Variants in GPC5 observed in about 807,000 individuals in gnomAD.
The protein encoded by GPC5 is glypican-5.
In GPC5, 47 loss-of-function variants were observed where a neutral mutation model predicts 53.9. The ratio of observed to expected loss-of-function variants is 0.87; its 90% confidence interval spans 0.69 to 1.11. GPC5 has a LOEUF of 1.11. GPC5 is among the 50% of genes most tolerant of loss of function. The probability of loss-of-function intolerance (pLI) is 0.00; values close to 1 mark genes in which losing one functional copy is unlikely to be tolerated. For synonymous variants in GPC5, 286 were observed against 263.3 expected, an observed-to-expected ratio of 1.09 and a Z score of -0.84; for missense variants, 748 against 713.1, an observed-to-expected ratio of 1.05 and a Z score of -0.56.
At chr13:92,429,706 T>G (rs1364015525) in intron 7 of GPC5, among the ~76,000 whole-genome samples, 1 of 152,092 alleles carries the variant, frequency 6.6e-6, no homozygotes, top group African/African-American at 2.4e-5. Flanking sequence ...GATGTATATT[T>G]ATTTGCAAAG....
At chr13:92,785,033 T>C (rs1220332145) in intron 7 of GPC5, among the ~76,000 whole-genome samples, 5 of 152,114 alleles carry the variant, frequency 3.3e-5, no homozygotes, top group Non-Finnish European at 7.4e-5. Flanking sequence ...TCCCAGCACT[T>C]TGGGAGGCCG....
chr13:92,623,823 C>A (rs1305373062), intron 7 of GPC5, among the ~76,000 whole-genome samples: 1 of 150,908 alleles, frequency 6.6e-6, no homozygotes, highest in Non-Finnish European at 1.5e-5. Context: ...TTAGTCATTT[C>A]CCTTAGAAAG....
chr13:92,346,310 T>A (rs944133412), intron 7 of GPC5, among the ~76,000 whole-genome samples: 2 of 152,140 alleles, frequency 1.3e-5, no homozygotes, highest in Non-Finnish European at 2.9e-5. Context: ...CAGTAGAATT[T>A]CCTGGCCAGG....
chr13:92,708,135 T>C (rs1187588813), intron 7 of GPC5, among the ~76,000 whole-genome samples: 2 of 152,146 alleles, frequency 1.3e-5, no homozygotes, highest in East Asian at 3.9e-4. Flanking sequence ...CATATTCTCA[T>C]GGTTGTTTTA....
intron 3 of GPC5, among the ~76,000 whole-genome samples, chr13:91,694,483 C>T (rs150051507): frequency 1.3e-5 from 2 of 152,290 alleles, no homozygotes; most frequent in South Asian, 2.1e-4. Flanking sequence ...AGTGTATACA[C>T]GGTCATGGTG....
At chr13:91,696,356 T>C (rs778618208) in intron 3 of GPC5, among the ~76,000 whole-genome samples, 2 of 152,200 alleles carry the variant, frequency 1.3e-5, no homozygotes, top group Non-Finnish European at 2.9e-5. Flanking sequence ...ACTGATAAAT[T>C]ATGGATTCTT....
At chr13:92,380,436 G>A (rs1448735109) in intron 7 of GPC5, among the ~76,000 whole-genome samples, 1 of 152,106 alleles carries the variant, frequency 6.6e-6, no homozygotes, top group East Asian at 1.9e-4. Context: ...AGGTTTTGTG[G>A]AGATGGGTCT....
rs1470702781 is a variant in GPC5 at position 92,234,575 on chromosome 13, C to T, written c.1561+89586C>T. The stretch of plus-strand genomic sequence containing the variant: ...TAAATGAAAGACAAAAGGGTTTGGG[C>T]TGGGGGGCAATACATTGTGGGGATG... On this transcript the variant is annotated intron_variant, in intron 7 of 7. Transcript: ENST00000377067. Among the ~76,000 whole-genome samples, 3 of 150,812 alleles carry T rather than the reference C, an allele frequency of 2.0e-5. No homozygotes were observed. The East Asian group carries it at 5.9e-4, about 29-fold the overall frequency.
At chr13:92,328,422 G>A (rs1566541007) in intron 7 of GPC5, among the ~76,000 whole-genome samples, 1 of 152,114 alleles carries the variant, frequency 6.6e-6, no homozygotes, top group Non-Finnish European at 1.5e-5. Context: ...GAACAAGTAA[G>A]AAAGATCTGA....
chr13:92,032,339 A>G (rs2040859041), intron 6 of GPC5, among the ~76,000 whole-genome samples: 1 of 151,472 alleles, frequency 6.6e-6, no homozygotes, highest in Non-Finnish European at 1.5e-5. Context: ...TTCAGTGTGT[A>G]CTGCTTGGGT....
intron 2 of GPC5, among the ~76,000 whole-genome samples, chr13:91,461,394 C>G (rs945369132): frequency 1.3e-5 from 2 of 152,022 alleles, no homozygotes; most frequent in Non-Finnish European, 2.9e-5. Flanking sequence ...GATTTAAGAA[C>G]AAGGGTCTAG....
At chr13:92,458,311 G>A (rs1243302266) in intron 7 of GPC5, among the ~76,000 whole-genome samples, 1 of 118,022 alleles carries the variant, frequency 8.5e-6, no homozygotes, top group Non-Finnish European at 1.7e-5. Context: ...TTTGGGGGGG[G>A]CAGGGTGGGG....
At chr13:92,408,498 C>CT in intron 7 of GPC5, among the ~76,000 whole-genome samples, 1 of 151,970 alleles carries the variant, frequency 6.6e-6, no homozygotes, top group Non-Finnish European at 1.5e-5. Context: ...TTTAAGTCAT[C>CT]TGTAACTAAG....
chr13:91,925,021 G>A (rs1172623481), intron 6 of GPC5, among the ~76,000 whole-genome samples: 1 of 151,902 alleles, frequency 6.6e-6, no homozygotes, highest in Non-Finnish European at 1.5e-5. Context: ...AGGTTTCACC[G>A]TGTTAACCAG....
Position 91,422,756 on chromosome 13 carries a change from C to T in GPC5, c.163+23547C>T, listed in dbSNP as rs116133649. ...GACTCTGCAGAGTCCTGAGATGCTG[C>T]AGGTCATCACATAACAAGAGGATTC... On this transcript the variant is annotated intron_variant, in intron 1 of 7. Transcript: ENST00000377067. Among the ~76,000 whole-genome samples, 955 of 152,216 alleles carry T rather than the reference C, an allele frequency of 6.3e-3. 9 individuals are homozygous for T. The highest frequency in any genetic ancestry group is 0.021 in the African/African-American group (890 of 41,536).
At chr13:92,000,360 G>T (rs1463948779) in intron 6 of GPC5, among the ~76,000 whole-genome samples, 1 of 151,906 alleles carries the variant, frequency 6.6e-6, no homozygotes, top group Non-Finnish European at 1.5e-5. Flanking sequence ...CTATTCTTCA[G>T]AAATAAATAT....
At chr13:91,829,223 A>G (rs765456245) in intron 5 of GPC5, among the ~76,000 whole-genome samples, 5 of 152,114 alleles carry the variant, frequency 3.3e-5, no homozygotes, top group African/African-American at 4.8e-5. Context: ...TGGGATACTC[A>G]ATATGAAGGA....
intron 2 of GPC5, among the ~76,000 whole-genome samples, chr13:91,531,659 G>A (rs1886350962): frequency 6.6e-6 from 1 of 152,206 alleles, no homozygotes; most frequent in Non-Finnish European, 1.5e-5. Context: ...AAGAGTAGCT[G>A]TGTTTATGTC....
rs562036217 is a variant in GPC5, at chr13:91,510,031, T to C, written c.325+61109T>C. Among the ~76,000 whole-genome samples the C allele has an allele frequency of 3.9e-5, 6 of 152,292 alleles. No individual in the cohort carries two copies. The East Asian group carries it at 1.2e-3, about 29-fold the overall frequency. ...TTTACCTCATATATTTTCCTCTGTTTATACATTCTTACATATAAAACATAC... is the reference window on the plus strand; with the variant it reads ...TTTACCTCATATATTTTCCTCTGTTCATACATTCTTACATATAAAACATAC... On this transcript the variant is annotated intron_variant, in intron 2 of 7. Coordinates refer to ENST00000377067, the MANE Select transcript of GPC5 (RefSeq NM_004466.6).
Sources: allele counts gnomAD v4.1 joint callset (sites outside exome capture counted in the v4.1 genomes callset), GRCh38; gene constraint gnomAD v4.1.1; transcripts MANE v1.5; gene names NCBI Gene and HGNC (gene_info 2026-07-23, HGNC 2026-07-21).